Variants in SASH1 observed in about 807,000 individuals in gnomAD.
SASH1 encodes SAM and SH3 domain containing 1, also known as SAM and SH3 domain-containing protein 1.
A neutral mutation model predicts 125.2 loss-of-function variants in SASH1; 44 were observed. The observed-to-expected ratio is 0.35, with a 90% confidence interval of 0.28 to 0.45. SASH1 has a LOEUF of 0.45. Among genes scored for constraint, SASH1 ranks in the 20% least tolerant of loss-of-function variants. The pLI is 1.00. For synonymous variants in SASH1, 639 were observed against 649.1 expected (o/e 0.98, Z 0.24); for missense variants, 1,426 against 1,614.5 (o/e 0.88, Z 2.00).
chr6:148,376,140 C>T (rs1242746489), intron 1 of SASH1, among the ~76,000 whole-genome samples: 1 of 152,156 alleles, frequency 6.6e-6, no homozygotes, highest in Admixed American at 6.5e-5. Flanking sequence ...TCTCCAACCT[C>T]ACTGCAACCC....
In SASH1 at chr6:148,534,740, C is replaced by G. The variant is rs2115415798; in HGVS notation, c.1945-11C>G. ...GCTGACACCCTTCTGTCTTCCTTCT[C>G]CCTCTCACAGGAGCACATGCCCACT... On this transcript the variant is annotated splice_polypyrimidine_tract_variant and intron_variant, in intron 15 of 19. Coordinates refer to ENST00000367467, the MANE Select transcript of SASH1 (RefSeq NM_015278.5). 1.2e-6 allele frequency: 2 copies of G among 1,614,094 alleles called. No homozygotes were observed. Among genetic ancestry groups the G allele is most frequent in the Non-Finnish European group, 1.7e-6 (2 of 1,179,986 alleles).
intron 1 of SASH1, among the ~76,000 whole-genome samples, chr6:148,370,936 T>G (rs1782681175): frequency 6.6e-6 from 1 of 152,244 alleles, no homozygotes; most frequent in Non-Finnish European, 1.5e-5. Context: ...AAATGAGGAC[T>G]AATACATGTT....
At chr6:148,523,504 T>C (rs1414800899) in intron 10 of SASH1, among the ~76,000 whole-genome samples, 3 of 152,208 alleles carry the variant, frequency 2.0e-5, no homozygotes, top group Non-Finnish European at 2.9e-5. Context: ...AGATTGCCCA[T>C]TGATATTTAA....
chr6:148,439,659 C>T (rs565000531), intron 2 of SASH1, among the ~76,000 whole-genome samples: 43 of 152,246 alleles, frequency 2.8e-4, no homozygotes, highest in Non-Finnish European at 4.7e-4. Context: ...TGCCTGTAAT[C>T]CCAGCTACTT....
chr6:148,228,688 T>A, the SASH1 span, among the ~76,000 whole-genome samples: 7 of 152,228 alleles, frequency 4.6e-5, no homozygotes, highest in African/African-American at 1.7e-4. Context: ...CGTTTTATGC[T>A]CCACCAGCAT....
chr6:148,459,290 T>C lies in SASH1; in HGVS notation c.387-9255T>C, dbSNP rs541953442. ...TTGGAAACCTCAGAGGATGACTGAA[T>C]CCCATCCCAGATCTGATTCTCCCTC... On this transcript the variant is annotated intron_variant, in intron 4 of 19. Transcript: ENST00000367467. 1.1e-4 allele frequency among the ~76,000 whole-genome samples: 16 copies of C among 152,206 alleles called. No homozygotes were observed. The South Asian group carries it at 2.9e-3, about 28-fold the overall frequency.
At chr6:148,428,357 G>A (rs1165193464) in intron 2 of SASH1, among the ~76,000 whole-genome samples, 6 of 152,280 alleles carry the variant, frequency 3.9e-5, no homozygotes, top group South Asian at 2.1e-4. Flanking sequence ...GGCCGGGTGC[G>A]GTGGCTCATG....
chr6:148,443,721 T>G (rs947921564), intron 4 of SASH1, among the ~76,000 whole-genome samples: 1 of 152,094 alleles, frequency 6.6e-6, no homozygotes, highest in Admixed American at 6.6e-5. Flanking sequence ...TTCATTTGCT[T>G]TTAAAGATGT....
chr6:148,308,470 A>G (rs1332046977), intron 1 of SASH1, among the ~76,000 whole-genome samples: 2 of 148,598 alleles, frequency 1.3e-5, no homozygotes, highest in Admixed American at 6.8e-5. Context: ...GCCTTGGCTC[A>G]CTGTAACCTC....
At chr6:148,278,788 T>A (rs1335668754) in intron 1 of SASH1, 1 of 152,006 alleles carries the variant, frequency 6.6e-6, no homozygotes, top group Non-Finnish European at 1.5e-5. Flanking sequence ...TCTTAAATAG[T>A]TAAAAAAAAT....
intron 1 of SASH1, among the ~76,000 whole-genome samples, chr6:148,282,779 T>C (rs566400871): frequency 2.2e-4 from 33 of 150,136 alleles, no homozygotes; most frequent in South Asian, 6.4e-4. Context: ...GAAGGAGAAT[T>C]GGGGGCTAGA....
chr6:148,510,982 C>T (rs1351259509), intron 8 of SASH1, among the ~76,000 whole-genome samples: 10 of 121,862 alleles, frequency 8.2e-5, no homozygotes, highest in East Asian at 2.3e-4. Context: ...GGAGACAGAG[C>T]GAGACTCCAT....
intron 2 of SASH1, among the ~76,000 whole-genome samples, chr6:148,411,858 A>G (rs1226936522): frequency 6.6e-6 from 1 of 152,212 alleles, no homozygotes; most frequent in African/African-American, 2.4e-5. Context: ...TGATGAAATT[A>G]ATATGAATCA....
At chr6:148,324,848 C>A in intron 1 of SASH1, among the ~76,000 whole-genome samples, 1 of 152,166 alleles carries the variant, frequency 6.6e-6, no homozygotes, top group Admixed American at 6.5e-5. Context: ...GCTGGGCACC[C>A]TAAGTCTGCT....
intron 4 of SASH1, among the ~76,000 whole-genome samples, chr6:148,447,755 C>T (rs1040826488): frequency 6.6e-6 from 1 of 151,786 alleles, no homozygotes; most frequent in South Asian, 2.1e-4. Flanking sequence ...TCCTCCTCCT[C>T]GTCCTCCTCT....
chr6:148,247,821 G>A, the SASH1 span, among the ~76,000 whole-genome samples: 2 of 152,212 alleles, frequency 1.3e-5, no homozygotes, highest in African/African-American at 4.8e-5. Flanking sequence ...TGCTACTGTA[G>A]TTGATAAAGC....
the SASH1 span, among the ~76,000 whole-genome samples, chr6:148,231,805 G>A: frequency 1.3e-5 from 2 of 152,028 alleles, no homozygotes; most frequent in Non-Finnish European, 1.5e-5. Flanking sequence ...AGAGAGTCAA[G>A]TCTAGGCAAG....
chr6:148,385,063 T>C (rs186229410), intron 1 of SASH1, among the ~76,000 whole-genome samples: 1 of 152,330 alleles, frequency 6.6e-6, no homozygotes, highest in African/African-American at 2.4e-5. Context: ...CTGTTGCCTT[T>C]CTTGGCATTT....
At chr6:148,349,567 C>T (rs1246211595) in intron 1 of SASH1, among the ~76,000 whole-genome samples, 1 of 151,918 alleles carries the variant, frequency 6.6e-6, no homozygotes, top group African/African-American at 2.4e-5. Flanking sequence ...CCCGCCCGGC[C>T]AGAAAAGTAA....
Sources: gnomAD v4.1 joint callset for allele counts (sites outside exome capture counted in the v4.1 genomes callset) on GRCh38, gnomAD v4.1.1 for gene constraint, MANE v1.5 for transcripts, NCBI Gene and HGNC (gene_info 2026-07-23, HGNC 2026-07-21) for gene names.